RMC1: variants seen among roughly 807,000 people sequenced by gnomAD.
RMC1 encodes regulator of MON1-CCZ1.
Under a neutral mutation model 95.5 loss-of-function variants are expected in RMC1, and 44 were observed. That is an observed-to-expected ratio of 0.46 (90% confidence interval 0.36 to 0.59). RMC1 has a LOEUF of 0.59. Ranked by LOEUF, RMC1 falls within the 20% of genes least tolerant of loss-of-function variation. The pLI is 0.00. For missense variants in RMC1, 705 were observed against 819.6 expected, an observed-to-expected ratio of 0.86 and a Z score of 1.71; for synonymous variants, 320 against 303.6, an observed-to-expected ratio of 1.05 and a Z score of -0.56.
Position 23,531,805 on chromosome 18 carries a change from C to T in RMC1, c.*101C>T, listed in dbSNP as rs2058519716. On this transcript the variant is annotated 3_prime_UTR_variant, in exon 20 of 20. Coordinates refer to ENST00000269221, the MANE Select transcript of RMC1 (RefSeq NM_013326.5). ...AAATGTTATAAAGTGTATCTACAACCTCAACTGTCACTAAAAATATGGTAT... is the reference window on the plus strand; with the variant it reads ...AAATGTTATAAAGTGTATCTACAACTTCAACTGTCACTAAAAATATGGTAT... 1.3e-5 allele frequency: 20 copies of T among 1,518,654 alleles called. No homozygotes were observed. Among genetic ancestry groups the T allele is most frequent in the Admixed American group, 4.5e-5 (2 of 44,702 alleles). 94.1% of individuals were successfully genotyped at this position (1,518,654 alleles called of 1,614,324 possible). A position where few individuals can be genotyped will look rare whatever the true frequency, so the allele number is the denominator to read the frequency against.
chr18:23,504,294 A>T, intron 1 of RMC1, 77 bp from the exon 2 acceptor site: 1 of 1,235,702 alleles, frequency 8.1e-7, no homozygotes, highest in Non-Finnish European at 1.2e-6. Flanking sequence ...TAACAGAAAT[A>T]ATCGCTTGCG....
At chr18:23,531,064 G>A (rs895257197) in intron 19 of RMC1, among the ~76,000 whole-genome samples, 1 of 151,706 alleles carries the variant, frequency 6.6e-6, no homozygotes, top group African/African-American at 2.4e-5. Flanking sequence ...GTGTGATCTC[G>A]GTTCACTGCA....
chr18:23,531,593 T>TCTAA lies in RMC1; in HGVS notation c.1895-29_1895-26dup. 4.4e-6 allele frequency: 7 copies of TCTAA among 1,605,394 alleles called. No individual in the cohort carries two copies. In the South Asian group the frequency reaches 6.8e-5, roughly 16 times the overall value. On this transcript the variant is annotated intron_variant, in intron 19 of 19. Transcript: ENST00000269221. ...TCTTTGTCCCTCATTTCATGCCACA[T>TCTAA]CTAACTGGCAATTAAATCTCTTCCT...
At chr18:23,520,448 G>T in intron 10 of RMC1, 135 bp downstream of exon 10, 2 of 733,038 alleles carry the variant, frequency 2.7e-6, no homozygotes, top group Non-Finnish European at 4.4e-6. Context: ...GATTTTGCCA[G>T]GGGCCATTTG....
At chr18:23,507,271 T>A (rs115898694) in intron 3 of RMC1, among the ~76,000 whole-genome samples, 2,174 of 151,990 alleles carry the variant, frequency 0.014, 43 homozygotes, top group African/African-American at 0.049. Context: ...AAATTAAAAA[T>A]TTTTTTTTGA....
In RMC1 at chr18:23,515,551, C is replaced by T. The variant is rs183512876; in HGVS notation, c.409-305C>T. On this transcript the variant is annotated intron_variant, in intron 5 of 19. Transcript: ENST00000269221. ...TTATTGATTTATTTATTAATTGAGA[C>T]TGAATCTCGCTCTGTCACTCACGCT... 2.0e-4 allele frequency among the ~76,000 whole-genome samples: 30 copies of T among 152,332 alleles called. No homozygotes were observed. In the East Asian group the frequency reaches 5.8e-3, roughly 29 times the overall value.
intron 5 of RMC1, 31 bp from the exon 6 acceptor site, chr18:23,515,825 T>C: frequency 6.2e-7 from 1 of 1,613,166 alleles, no homozygotes; most frequent in Non-Finnish European, 8.5e-7. Context: ...GTTTTTTAAA[T>C]GAAGATCCTG....
At chr18:23,505,378 G>A (rs2057688678) in intron 2 of RMC1, among the ~76,000 whole-genome samples, 1 of 152,152 alleles carries the variant, frequency 6.6e-6, no homozygotes, top group African/African-American at 2.4e-5. Flanking sequence ...AGGTTTTAAA[G>A]TATGGATGGG....
In RMC1 at chr18:23,513,356, A is replaced by C. The variant is rs528568457; in HGVS notation, c.409-2500A>C. On this transcript the variant is annotated intron_variant, in intron 5 of 19. Coordinates refer to ENST00000269221, the MANE Select transcript of RMC1 (RefSeq NM_013326.5). ...ACCATAATTTCCTACAGGTTCCCCCATGCCATAGCATGTGATAGGGTTTCC... is the reference window on the plus strand; with the variant it reads ...ACCATAATTTCCTACAGGTTCCCCCCTGCCATAGCATGTGATAGGGTTTCC... Among the ~76,000 whole-genome samples, 54 of 152,370 alleles carry C rather than the reference A, an allele frequency of 3.5e-4. No homozygotes were observed. The South Asian group carries it at 8.7e-3, about 25-fold the overall frequency.
intron 7 of RMC1, among the ~76,000 whole-genome samples, chr18:23,517,040 T>A (rs1300601869): frequency 6.6e-6 from 1 of 152,124 alleles, no homozygotes; most frequent in East Asian, 1.9e-4. Context: ...TTATTTTTTT[T>A]AAAAGCTCAG....
chr18:23,515,283 A>T (rs1257674320), intron 5 of RMC1, among the ~76,000 whole-genome samples: 1 of 152,202 alleles, frequency 6.6e-6, no homozygotes, highest in Admixed American at 6.5e-5. Context: ...TGCTTTGTTA[A>T]GGGGCAGGTT....
chr18:23,516,145 A>G, intron 6 of RMC1, 149 bp downstream of exon 6: 1 of 1,343,804 alleles, frequency 7.4e-7, no homozygotes, highest in African/African-American at 1.5e-5. Flanking sequence ...TATACCCGTC[A>G]GCTCCTGGAG....
chr18:23,507,952 A>G, intron 3 of RMC1, 33 bp from the exon 4 acceptor site: 3 of 1,603,182 alleles, frequency 1.9e-6, no homozygotes, highest in Non-Finnish European at 2.6e-6. Flanking sequence ...GCCTAATCCA[A>G]ATTTGTGTGT....
At chr18:23,517,409 A>G (rs1350311860) in intron 7 of RMC1, among the ~76,000 whole-genome samples, 1 of 152,072 alleles carries the variant, frequency 6.6e-6, no homozygotes, top group Admixed American at 6.5e-5. Flanking sequence ...CAGCCTCCCA[A>G]AGTGTTGGGA....
chr18:23,514,312 C>G (rs1398921362), intron 5 of RMC1, among the ~76,000 whole-genome samples: 3 of 152,174 alleles, frequency 2.0e-5, no homozygotes, highest in African/African-American at 7.2e-5. Context: ...GTCAGGAGTT[C>G]GAGACCAGCC....
At chr18:23,504,537 G>T in intron 2 of RMC1, 90 bp downstream of exon 2, 1 of 1,262,642 alleles carries the variant, frequency 7.9e-7, no homozygotes, top group Non-Finnish European at 1.1e-6. Context: ...TTTGTCATTT[G>T]GTCTGCCCTA....
chr18:23,505,472 G>A (rs972065818), intron 2 of RMC1, among the ~76,000 whole-genome samples: 2 of 152,188 alleles, frequency 1.3e-5, no homozygotes, highest in African/African-American at 2.4e-5. Context: ...GGGAAATGGT[G>A]GTGGTGTGGC....
At chr18:23,520,149 A>C in intron 9 of RMC1, 53 bp from the exon 10 acceptor site, 1 of 1,407,502 alleles carries the variant, frequency 7.1e-7, no homozygotes, top group Non-Finnish European at 1.0e-6. Context: ...AATGAAAGCA[A>C]CTGGGCAAAC....
At chr18:23,529,507 C>T in intron 15 of RMC1, 128 bp from the exon 16 acceptor site, 12 of 1,252,074 alleles carry the variant, frequency 9.6e-6, no homozygotes, top group Non-Finnish European at 1.4e-5. Context: ...GCGATGTGTG[C>T]AAAACCAGTG....
Sources: allele counts gnomAD v4.1 joint callset (sites outside exome capture counted in the v4.1 genomes callset), GRCh38; gene constraint gnomAD v4.1.1; transcripts MANE v1.5; gene names NCBI Gene and HGNC (gene_info 2026-07-23, HGNC 2026-07-21).